The following KHDRBS3 variants were observed in gnomAD, a reference collection of about 807,000 sequenced individuals.
The protein encoded by KHDRBS3 is KH RNA binding domain containing, signal transduction associated 3.
In KHDRBS3, 23 loss-of-function variants were observed where a neutral mutation model predicts 45.6. The observed-to-expected ratio is 0.50, with a 90% CI of 0.36 to 0.72. The LOEUF (loss-of-function observed/expected upper bound fraction) is 0.72. Ranked by LOEUF, KHDRBS3 falls within the 30% of genes least tolerant of loss-of-function variation. The pLI is 0.00. For missense variants in KHDRBS3, 352 were observed against 424.8 expected (o/e 0.83, Z 1.51); for synonymous variants, 162 against 156.5 (o/e 1.04, Z -0.26).
chr8:135,540,352 T>C (rs1825984473), intron 2 of KHDRBS3: 2 of 152,190 alleles, frequency 1.3e-5, no homozygotes, highest in African/African-American at 4.8e-5. Context: ...GCTCAGGAAT[T>C]GTAGGTAGCA....
intron 1 of KHDRBS3, among the ~76,000 whole-genome samples, chr8:135,461,904 A>C (rs897188205): frequency 6.6e-6 from 1 of 152,244 alleles, no homozygotes; most frequent in African/African-American, 2.4e-5. Flanking sequence ...AATGGTTTTT[A>C]TATCAGTTTC....
chr8:135,555,538 AT>A (rs1190708549), intron 4 of KHDRBS3, among the ~76,000 whole-genome samples: 1 of 151,954 alleles, frequency 6.6e-6, no homozygotes, highest in Non-Finnish European at 1.5e-5. Flanking sequence ...CTCTTGATTC[AT>A]TTTGTTCTAA....
chr8:135,565,376 G>C (rs1325197335), intron 5 of KHDRBS3, among the ~76,000 whole-genome samples: 3 of 152,102 alleles, frequency 2.0e-5, no homozygotes, highest in Admixed American at 2.0e-4. Context: ...TGAGAGTTTT[G>C]TTTAATTCCT....
At chr8:135,477,831 T>C (rs186824864) in intron 1 of KHDRBS3, among the ~76,000 whole-genome samples, 149 of 152,328 alleles carry the variant, frequency 9.8e-4, no homozygotes, top group East Asian at 1.7e-3. Flanking sequence ...TGGCGTGATA[T>C]GGCCATAAGC....
chr8:135,603,590 A>G (rs1829316235), intron 6 of KHDRBS3, among the ~76,000 whole-genome samples: 2 of 152,188 alleles, frequency 1.3e-5, no homozygotes, highest in African/African-American at 4.8e-5. Context: ...CTATCATTTT[A>G]TATTATACAT....
intron 7 of KHDRBS3, among the ~76,000 whole-genome samples, chr8:135,621,996 G>T (rs765615938): frequency 1.1e-4 from 17 of 152,048 alleles, no homozygotes; most frequent in Non-Finnish European, 2.1e-4. Context: ...CCGGAGCCTG[G>T]CTGTTGCTTG....
At position 135,457,900 on chromosome 8, in the gene KHDRBS3, G is replaced by A; in HGVS notation, c.34G>A (p.Glu12Lys). ...GAAGTACCTGCCCGAGCTGATGGCG[G>A]AGAAGGACTCCCTGGACCCCTCCTT... is the stretch of plus-strand genomic sequence containing the variant. ...EEKYLPELMA[E>K]KDSLDPSFTH... Residue 12 changes from glutamate (E) to lysine (K), a missense_variant, in exon 1 of 9, where the codon GAG (glutamate) becomes AAG (lysine). This residue lies in a region of KHDRBS3 where 58 missense variants were observed against 64.5 expected (regional missense o/e 0.90). Coordinates refer to ENST00000355849, the MANE Select transcript of KHDRBS3 (RefSeq NM_006558.3). The surrounding 1 kb of genome is among the most constrained non-coding windows in gnomAD (Gnocchi z 4.4). The A allele has an allele frequency of 1.2e-6, 2 of 1,601,394 alleles. No homozygotes were observed. The highest frequency in any genetic ancestry group is 1.7e-6 in the Non-Finnish European group (2 of 1,174,862).
At chr8:135,632,137 A>G (rs887181669) in intron 7 of KHDRBS3, among the ~76,000 whole-genome samples, 6 of 152,218 alleles carry the variant, frequency 3.9e-5, no homozygotes, top group Non-Finnish European at 7.3e-5. Context: ...CGCTGTCTTC[A>G]CTTGATCTTC....
chr8:135,530,278 G>A (rs1825406785), intron 2 of KHDRBS3, among the ~76,000 whole-genome samples: 1 of 152,080 alleles, frequency 6.6e-6, no homozygotes, highest in Non-Finnish European at 1.5e-5. Flanking sequence ...GGCTCCATAA[G>A]GATCACCAAA....
intron 1 of KHDRBS3, among the ~76,000 whole-genome samples, chr8:135,518,410 G>C (rs561673564): frequency 1.3e-5 from 2 of 151,966 alleles, no homozygotes; most frequent in East Asian, 1.9e-4. Context: ...TCCTGACCTC[G>C]TGATCCACCC....
chr8:135,625,511 G>A, intron 7 of KHDRBS3: 2 of 810,476 alleles, frequency 2.5e-6, no homozygotes, highest in Middle Eastern at 2.3e-4. Flanking sequence ...CAGGGGAGCT[G>A]CACTGCTAGA....
chr8:135,629,773 A>G (rs1486512649), intron 7 of KHDRBS3, among the ~76,000 whole-genome samples: 1 of 152,240 alleles, frequency 6.6e-6, no homozygotes, highest in Non-Finnish European at 1.5e-5. Context: ...AGAATACTGT[A>G]GGACTGTTAG....
intron 1 of KHDRBS3, among the ~76,000 whole-genome samples, chr8:135,490,469 G>A (rs528506279): frequency 1.3e-5 from 2 of 152,050 alleles, no homozygotes; most frequent in Admixed American, 1.3e-4. Context: ...TAGGTTTATA[G>A]GCTGCCTGTA....
intron 7 of KHDRBS3, among the ~76,000 whole-genome samples, chr8:135,612,457 T>G (rs1177005747): frequency 6.6e-6 from 1 of 151,856 alleles, no homozygotes; most frequent in Non-Finnish European, 1.5e-5. Context: ...ATGAGATCCC[T>G]TCAGTGAATA....
chr8:135,608,404 G>A (rs189972396), intron 7 of KHDRBS3, among the ~76,000 whole-genome samples: 1 of 152,250 alleles, frequency 6.6e-6, no homozygotes, highest in African/African-American at 2.4e-5. Context: ...CTATATTCCT[G>A]GCACTGTTTC....
intron 6 of KHDRBS3, among the ~76,000 whole-genome samples, chr8:135,592,602 G>C (rs979386007): frequency 6.6e-6 from 1 of 152,154 alleles, no homozygotes; most frequent in Admixed American, 6.5e-5. Flanking sequence ...GTCTAAGAAG[G>C]AACATAATGT....
At chr8:135,604,878 A>G (rs954542443) in intron 6 of KHDRBS3, among the ~76,000 whole-genome samples, 9 of 150,390 alleles carry the variant, frequency 6.0e-5, no homozygotes, top group African/African-American at 2.2e-4. Flanking sequence ...CTTCTCCTTC[A>G]TTTTTGAAGG....
intron 3 of KHDRBS3, among the ~76,000 whole-genome samples, 179 bp downstream of exon 3, chr8:135,542,949 T>G (rs1025672095): frequency 2.0e-5 from 3 of 152,200 alleles, no homozygotes; most frequent in African/African-American, 7.2e-5. Context: ...ATCTGTAACC[T>G]TTATAGTCAT....
chr8:135,607,878 C>T (rs1462494564), intron 7 of KHDRBS3, among the ~76,000 whole-genome samples: 1 of 152,170 alleles, frequency 6.6e-6, no homozygotes. Context: ...AACTCTGGTA[C>T]TGAGGTAGAT....
Sources: gnomAD v4.1 joint callset for allele counts (sites outside exome capture counted in the v4.1 genomes callset) on GRCh38, gnomAD v4.1.1 for gene constraint, gnomAD v4.1.1 regional missense constraint, Gnocchi (gnomAD v3.1) non-coding constraint, MANE v1.5 for transcripts, NCBI Gene and HGNC (gene_info 2026-07-23, HGNC 2026-07-21) for gene names.